GPM6A: variants seen among roughly 807,000 people sequenced by gnomAD.
GPM6A encodes neuronal membrane glycoprotein M6-a.
A neutral mutation model predicts 32.1 loss-of-function variants in GPM6A; 7 were observed. The ratio of observed to expected loss-of-function variants is 0.22; its 90% CI spans 0.12 to 0.41. The LOEUF (loss-of-function observed/expected upper bound fraction) is 0.41. GPM6A is among the 10% of genes least tolerant of loss of function. GPM6A has a pLI of 1.00. For synonymous variants in GPM6A, 130 were observed against 123.4 expected, an observed-to-expected ratio of 1.05 and a Z score of -0.35; for missense variants, 235 against 347.2, an observed-to-expected ratio of 0.68 and a Z score of 2.57.
chr4:175,734,566 T>TA (rs1168907461), intron 1 of GPM6A, among the ~76,000 whole-genome samples: 107 of 148,636 alleles, frequency 7.2e-4, no homozygotes, highest in African/African-American at 2.4e-3. Context: ...CCTTTACTTT[T>TA]TAAAAAAAAA....
At chr4:175,911,063 C>T (rs1322245471) in intron 1 of GPM6A, among the ~76,000 whole-genome samples, 1 of 152,088 alleles carries the variant, frequency 6.6e-6, no homozygotes, top group Non-Finnish European at 1.5e-5. Context: ...CCCCGATAAA[C>T]CAGGGTGGTG....
At chr4:175,898,037 A>G (rs1034782686) in intron 1 of GPM6A, among the ~76,000 whole-genome samples, 2 of 152,172 alleles carry the variant, frequency 1.3e-5, no homozygotes, top group Admixed American at 1.3e-4. Context: ...TTAAATCAGA[A>G]TTATACCATG....
intron 1 of GPM6A, chr4:175,962,217 A>G (rs993124551): frequency 4.7e-5 from 61 of 1,301,904 alleles, no homozygotes; most frequent in Admixed American, 6.8e-5. Context: ...TCAGTTCATG[A>G]TGGTGGAACA....
chr4:175,924,388 C>T (rs1200232589), intron 1 of GPM6A, among the ~76,000 whole-genome samples: 1 of 152,150 alleles, frequency 6.6e-6, no homozygotes, highest in Non-Finnish European at 1.5e-5. Context: ...TTGTAACCCC[C>T]AAAGGTGCTG....
chr4:176,002,175 G>T, intron 1 of GPM6A: 1 of 991,352 alleles, frequency 1.0e-6, no homozygotes, highest in South Asian at 1.4e-5. Flanking sequence ...GGGGGGCGGG[G>T]GACGCCAGGC....
chr4:175,757,027 A>G (rs1350353078), intron 1 of GPM6A, among the ~76,000 whole-genome samples: 1 of 152,102 alleles, frequency 6.6e-6, no homozygotes, highest in Non-Finnish European at 1.5e-5. Flanking sequence ...AGTCTCCACG[A>G]TGACTCCCAG....
chr4:175,751,494 T>G (rs575148405), intron 1 of GPM6A, among the ~76,000 whole-genome samples: 1 of 152,290 alleles, frequency 6.6e-6, no homozygotes, highest in African/African-American at 2.4e-5. Context: ...ATATTGAACA[T>G]GTTTATATTC....
At chr4:175,669,504 G>C (rs1225877870) in intron 3 of GPM6A, among the ~76,000 whole-genome samples, 1 of 152,116 alleles carries the variant, frequency 6.6e-6, no homozygotes, top group Non-Finnish European at 1.5e-5. Context: ...TTTCCTTTGA[G>C]CATCACGTTG....
At chr4:175,750,170 T>C (rs1732268968) in intron 1 of GPM6A, among the ~76,000 whole-genome samples, 1 of 151,946 alleles carries the variant, frequency 6.6e-6, no homozygotes, top group Non-Finnish European at 1.5e-5. Flanking sequence ...CCGATTCTCC[T>C]GCCTCAGTAC....
intron 4 of GPM6A, among the ~76,000 whole-genome samples, chr4:175,643,920 A>G (rs1741299749): frequency 6.6e-6 from 1 of 152,130 alleles, no homozygotes; most frequent in African/African-American, 2.4e-5. Flanking sequence ...GGTCCTTCCC[A>G]AGTGCCGGCC....
At chr4:175,887,567 T>A (rs1240406650) in intron 1 of GPM6A, among the ~76,000 whole-genome samples, 1 of 151,830 alleles carries the variant, frequency 6.6e-6, no homozygotes, top group Non-Finnish European at 1.5e-5. Flanking sequence ...TAATAGAATT[T>A]AAAAAATCAA....
At chr4:175,899,642 T>C (rs913667509) in intron 1 of GPM6A, among the ~76,000 whole-genome samples, 9 of 152,084 alleles carry the variant, frequency 5.9e-5, no homozygotes, top group Non-Finnish European at 1.0e-4. Flanking sequence ...CTTTAATAAA[T>C]GAAGCTGGCA....
At chr4:175,742,643 G>T (rs1378459619) in intron 1 of GPM6A, among the ~76,000 whole-genome samples, 1 of 152,076 alleles carries the variant, frequency 6.6e-6, no homozygotes, top group Non-Finnish European at 1.5e-5. Context: ...TACAAAAACT[G>T]TTTCTTAGAA....
chr4:175,803,191 A>G (rs1734544015), intron 1 of GPM6A, among the ~76,000 whole-genome samples: 1 of 151,226 alleles, frequency 6.6e-6, no homozygotes, highest in Middle Eastern at 3.4e-3. Context: ...CATCATCATC[A>G]TCATCATCAT....
rs749908272 is a variant in GPM6A, at chr4:175,871,220, G to T, written c.-22-58971C>A. 2.2e-4 allele frequency among the ~76,000 whole-genome samples: 34 copies of T among 152,188 alleles called. 1 individual carries two copies. Among genetic ancestry groups the T allele is most frequent in the South Asian group, 8.3e-4 (4 of 4,826 alleles). ...GCAGTGGCTCAGGCCTGTAATCCCA[G>T]CACTTTGGGTTGCTGAGGCAGACGC... is the stretch of plus-strand genomic sequence containing the variant. On this transcript the variant is annotated intron_variant, in intron 1 of 7. Transcript: ENST00000280187.
chr4:175,953,853 C>A (rs879256543), intron 1 of GPM6A, among the ~76,000 whole-genome samples: 3 of 152,060 alleles, frequency 2.0e-5, no homozygotes, highest in African/African-American at 7.2e-5. Flanking sequence ...GAGCCGAGAT[C>A]GTGCCATTGC....
intron 1 of GPM6A, among the ~76,000 whole-genome samples, chr4:175,706,013 G>C (rs1745168139): frequency 6.6e-6 from 1 of 151,978 alleles, no homozygotes; most frequent in Non-Finnish European, 1.5e-5. Context: ...CCATTTTCTG[G>C]TTATACTTTC....
chr4:175,815,742 A>C, upstream of GPM6A, among the ~76,000 whole-genome samples: 1 of 81,860 alleles, frequency 1.2e-5, no homozygotes, highest in South Asian at 3.9e-4. Flanking sequence ...TTTGAGATGG[A>C]GTTTTGCTCT....
intron 1 of GPM6A, among the ~76,000 whole-genome samples, chr4:175,946,827 T>C (rs1739624288): frequency 6.6e-6 from 1 of 152,150 alleles, no homozygotes; most frequent in Non-Finnish European, 1.5e-5. Flanking sequence ...ATTTCAGTGT[T>C]TCTGATTTGG....
Sources: gnomAD v4.1 joint callset for allele counts (sites outside exome capture counted in the v4.1 genomes callset) on GRCh38, gnomAD v4.1.1 for gene constraint, MANE v1.5 for transcripts, NCBI Gene and HGNC (gene_info 2026-07-23, HGNC 2026-07-21) for gene names.